Variants in NMI observed in about 807,000 individuals in gnomAD.
NMI encodes N-myc and STAT interactor.
A neutral mutation model predicts 34.3 loss-of-function variants in NMI; 39 were observed. The observed-to-expected ratio is 1.14, with a 90% CI of 0.88 to 1.49. The LOEUF is 1.49. Among genes scored for constraint, NMI ranks in the 40% most tolerant of loss-of-function variants. The probability of loss-of-function intolerance (pLI) is 0.00; values close to 1 mark genes in which losing one functional copy is unlikely to be tolerated. For missense variants in NMI, 339 were observed against 358.1 expected (o/e 0.95, Z 0.43); for synonymous variants, 113 against 120.3 (o/e 0.94, Z 0.40).
At position 151,282,940 on chromosome 2, in the gene NMI, A is replaced by G. The variant is rs771346022; in HGVS notation, c.9T>C (p.Ala3=). 5.3e-6 allele frequency: 8 copies of G among 1,500,316 alleles called. No homozygotes were observed. The highest frequency in any genetic ancestry group is 6.3e-6 in the Non-Finnish European group (7 of 1,110,100). 92.9% of individuals were successfully genotyped at this position (1,500,316 alleles called of 1,614,324 possible). A position where few individuals can be genotyped will look rare whatever the true frequency, so the allele number is the denominator to read the frequency against. The change falls in exon 2 of 8, where the codon GCT becomes GCC. Residue 3 remains alanine (A), a synonymous_variant. Transcript: ENST00000243346. The stretch of plus-strand genomic sequence containing the variant: ...GAATTTGTTGTGTGTCATCTTTATC[A>G]GCTTCCATGATCCCCTAATATTATA... ME[A]DKDDTQQILK...
intron 3 of NMI, 151 bp from the exon 4 acceptor site, chr2:151,279,141 G>A: frequency 3.5e-6 from 2 of 576,398 alleles, no homozygotes; most frequent in Non-Finnish European, 6.0e-6. Flanking sequence ...AACATTTTTA[G>A]TAATTGCTTT....
At chr2:151,275,998 C>T (rs1315582965) in intron 4 of NMI, 134 bp from the exon 5 acceptor site, 24 of 630,026 alleles carry the variant, frequency 3.8e-5, no homozygotes, top group Non-Finnish European at 5.3e-5. Context: ...AAAAATTTGG[C>T]GGGCGGTGAT....
chr2:151,284,390 C>A (rs1683458234), intron 1 of NMI, among the ~76,000 whole-genome samples: 1 of 152,014 alleles, frequency 6.6e-6, no homozygotes, highest in African/African-American at 2.4e-5. Flanking sequence ...CCTCAACATC[C>A]CTGACTCAAG....
chr2:151,283,671 A>G (rs1160139523), intron 1 of NMI, among the ~76,000 whole-genome samples: 1 of 152,204 alleles, frequency 6.6e-6, no homozygotes, highest in Non-Finnish European at 1.5e-5. Context: ...AAATGTAAAC[A>G]AAGTCAAGAG....
chr2:151,281,964 G>A lies in NMI; in HGVS notation c.161C>T (p.Ala54Val). 6.5e-7 allele frequency: 1 copy of A among 1,535,332 alleles called. No homozygotes were observed. The highest frequency in any genetic ancestry group is 9.0e-7 in the Non-Finnish European group (1 of 1,113,790). The change falls in exon 3 of 8, where the codon GCT becomes GTT. Residue 54 changes from alanine to valine, a missense_variant. Transcript: ENST00000243346. Reference sequence around the variant, plus strand: ...AGAGAGTACCTGGAATTCTTTGGTAGCCTCTTGTAACTCCGTTTCAAGCTT... The same window carrying A: ...AGAGAGTACCTGGAATTCTTTGGTAACCTCTTGTAACTCCGTTTCAAGCTT... ...IQKLETELQE[A>V]TKEFQIKEDI...
At chr2:151,288,466 T>A (rs1312979903) in intron 1 of NMI, among the ~76,000 whole-genome samples, 3 of 152,078 alleles carry the variant, frequency 2.0e-5, no homozygotes. Flanking sequence ...CCCAAGAGCT[T>A]CCAGAAAGGA....
intron 3 of NMI, among the ~76,000 whole-genome samples, chr2:151,281,643 T>A (rs1683407161): frequency 6.6e-6 from 1 of 152,186 alleles, no homozygotes; most frequent in Admixed American, 6.5e-5. Context: ...AAGCATATGG[T>A]ATGCCCTCTT....
chr2:151,270,931 CT>C, intron 7 of NMI, 56 bp from the exon 8 acceptor site: 1 of 1,291,880 alleles, frequency 7.7e-7, no homozygotes, highest in Non-Finnish European at 1.1e-6. Context: ...AATTACAAAA[CT>C]TTACATTCAT....
intron 3 of NMI, among the ~76,000 whole-genome samples, chr2:151,281,225 G>A (rs1412774463): frequency 2.6e-5 from 4 of 152,154 alleles, no homozygotes; most frequent in African/African-American, 9.7e-5. Flanking sequence ...AAATTTAGGA[G>A]AGAATTTAAA....
Position 151,270,526 on chromosome 2 carries a change from A to G in NMI, c.*167T>C, listed in dbSNP as rs558992441. ...ATTGTAGTTGAAAACATGCAGCACC[A>G]TTTGAAACAAAGAAGATTCAGAAAC... is the stretch of plus-strand genomic sequence containing the variant. On this transcript the variant is annotated 3_prime_UTR_variant, in exon 8 of 8. Coordinates refer to ENST00000243346, the MANE Select transcript of NMI (RefSeq NM_004688.3). The G allele has an allele frequency of 3.1e-4, 194 of 618,750 alleles. No individual in the cohort carries two copies. The highest frequency in any genetic ancestry group is 7.3e-4 in the Admixed American group (23 of 31,620). The allele number at this position is 618,750 out of a possible 1,614,324, so 38.3% of individuals were successfully genotyped here.
rs1049894056 is a variant in NMI at position 151,270,913 on chromosome 2, G to A, written c.742-38C>T. The A allele has an allele frequency of 4.0e-6, 6 of 1,498,836 alleles. No homozygotes were observed. In the African/African-American group the frequency reaches 5.6e-5, roughly 14 times the overall value. The allele number at this position is 1,498,836 out of a possible 1,614,324, so 92.8% of individuals were successfully genotyped here. A position where few individuals can be genotyped will look rare whatever the true frequency, so the allele number is the denominator to read the frequency against. On this transcript the variant is annotated intron_variant, in intron 7 of 7. Coordinates refer to ENST00000243346, the MANE Select transcript of NMI (RefSeq NM_004688.3). ...AAATGATAAATAGAAAGATTTCTAA[G>A]AGCTTTGAATTACAAAACTTTACAT...
Position 151,275,836 on chromosome 2 carries a change from T to A in NMI, c.369A>T (p.Lys123Asn), listed in dbSNP as rs766955341. ...TTACATCTTTTATCTGTACATGATG[T>A]TTACTCATGCTTACCACATTTTGAG... ...EVAQNVVSMS[K>N]HHVQIKDVNL... is the part of the protein sequence containing the mutation. The change falls in exon 5 of 8, where the codon AAA becomes AAT. Residue 123 changes from lysine (K) to asparagine (N), a missense_variant. Lys to Asn is a moderately conservative substitution (Grantham distance 94). Transcript: ENST00000243346. 18 of 1,605,362 alleles carry A rather than the reference T, an allele frequency of 1.1e-5. No homozygotes were observed. In the Middle Eastern group the frequency reaches 5.0e-4, roughly 44 times the overall value.
At chr2:151,277,097 A>C (rs1683305163) in intron 4 of NMI, among the ~76,000 whole-genome samples, 1 of 152,154 alleles carries the variant, frequency 6.6e-6, no homozygotes, top group African/African-American at 2.4e-5. Flanking sequence ...GTCTTATAAA[A>C]CTTCACATGT....
intron 1 of NMI, among the ~76,000 whole-genome samples, chr2:151,288,564 AGTGT>A (rs80140260): frequency 0.049 from 7,261 of 149,572 alleles, 225 homozygotes; most frequent in Middle Eastern, 0.068. Flanking sequence ...TGTGTATGTG[AGTGT>A]GTGTGTGTGT....
chr2:151,272,297 A>C (rs1683202996), intron 6 of NMI, among the ~76,000 whole-genome samples: 1 of 152,214 alleles, frequency 6.6e-6, no homozygotes, highest in Non-Finnish European at 1.5e-5. Context: ...AGAGTGGTGA[A>C]AGGATGTGTG....
At chr2:151,275,029 C>T (rs57201382) in intron 6 of NMI, among the ~76,000 whole-genome samples, 63,253 of 151,610 alleles carry the variant, frequency 0.42, 13,890 homozygotes, top group Admixed American at 0.53. Context: ...CACAGGCACG[C>T]ACCACTATGC....
In NMI at chr2:151,275,470, A is replaced by G; in HGVS notation, c.634+14T>C. On this transcript the variant is annotated intron_variant, in intron 6 of 7. Transcript: ENST00000243346. ...ATGGCAGAGTGTCTGTTAACCTTCT[A>G]CACCCTTGAGTACCTCCAATCTCCA... 6.2e-7 allele frequency: 1 copy of G among 1,609,932 alleles called. No individual in the cohort carries two copies. The highest frequency in any genetic ancestry group is 1.1e-5 in the South Asian group (1 of 90,922).
At chr2:151,276,777 A>C (rs1008691581) in intron 4 of NMI, among the ~76,000 whole-genome samples, 4 of 152,208 alleles carry the variant, frequency 2.6e-5, no homozygotes, top group Admixed American at 2.6e-4. Flanking sequence ...TCAAAGAGTG[A>C]GTCTTTTTTT....
At chr2:151,284,854 T>A (rs1380988857) in intron 1 of NMI, among the ~76,000 whole-genome samples, 2 of 152,186 alleles carry the variant, frequency 1.3e-5, no homozygotes, top group African/African-American at 2.4e-5. Flanking sequence ...ATAAAAGACA[T>A]CTATTCCTCC....
Sources: gnomAD v4.1 joint callset for allele counts (sites outside exome capture counted in the v4.1 genomes callset) on GRCh38, gnomAD v4.1.1 for gene constraint, MANE v1.5 for transcripts, NCBI Gene and HGNC (gene_info 2026-07-23, HGNC 2026-07-21) for gene names.